The following KRR1 variants were observed in gnomAD, a reference collection of about 807,000 sequenced individuals.
KRR1 encodes KRR1 small subunit processome component homolog.
KRR1 carries 23 observed loss-of-function variants against 50.0 expected under a neutral mutation model. That is an observed-to-expected ratio of 0.46 (90% confidence interval 0.33 to 0.65). The LOEUF is 0.65. Among genes scored for constraint, KRR1 ranks in the 30% least tolerant of loss-of-function variants. The pLI, the probability that KRR1 is intolerant of heterozygous loss-of-function variation, is 0.02. For missense variants in KRR1, 419 were observed against 442.4 expected (o/e 0.95, Z 0.47); for synonymous variants, 133 against 146.3 (o/e 0.91, Z 0.66).
intron 2 of KRR1, among the ~76,000 whole-genome samples, chr12:75,507,948 C>T (rs1233421776): frequency 6.6e-6 from 1 of 152,060 alleles, no homozygotes; most frequent in Admixed American, 6.6e-5. Context: ...TCAGCTCAGA[C>T]TGGGACAGAT....
At chr12:75,509,189 G>T (rs1185574159) in intron 1 of KRR1, among the ~76,000 whole-genome samples, 2 of 152,024 alleles carry the variant, frequency 1.3e-5, no homozygotes, top group South Asian at 4.1e-4. Flanking sequence ...TGAATTTGAA[G>T]AACTCCTTAA....
chr12:75,500,918 C>T (rs1209688080), intron 9 of KRR1: 1 of 152,038 alleles, frequency 6.6e-6, no homozygotes, highest in African/African-American at 2.4e-5. Flanking sequence ...ATACTTATGA[C>T]ATTTCTACCT....
chr12:75,505,423 C>T (rs1317251289), intron 5 of KRR1, among the ~76,000 whole-genome samples, 169 bp from the exon 6 acceptor site: 1 of 151,982 alleles, frequency 6.6e-6, no homozygotes, highest in Non-Finnish European at 1.5e-5. Flanking sequence ...TTCATAAAGG[C>T]AGTCAATCTC....
At chr12:75,502,880 A>G (rs991914310) in intron 7 of KRR1, 7 of 151,946 alleles carry the variant, frequency 4.6e-5, no homozygotes, top group South Asian at 4.1e-4. Flanking sequence ...TTTCCCCCTA[A>G]CTACTATCAA....
At chr12:75,506,283 G>T in intron 5 of KRR1, 33 bp downstream of exon 5, 2 of 1,324,412 alleles carry the variant, frequency 1.5e-6, no homozygotes, top group Non-Finnish European at 2.1e-6. Flanking sequence ...GTTCTCTGCT[G>T]AAAATGAATC....
Position 75,504,060 on chromosome 12 carries a change from C to T in KRR1, c.675G>A (p.Lys225=). 1 of 1,610,566 alleles carries T rather than the reference C, an allele frequency of 6.2e-7. No homozygotes were observed. Residue 225 remains lysine, a synonymous_variant, in exon 7 of 10, where the codon AAG becomes AAA. Coordinates refer to ENST00000229214, the MANE Select transcript of KRR1 (RefSeq NM_007043.7). ...PIYNIKSLMI[K]RELAKDSELR... ...ATTCAGAATCTTTTGCCAACTCTCT[C>T]TTAATCATTAAGCTCTTTAGTCATG...
intron 1 of KRR1, among the ~76,000 whole-genome samples, chr12:75,509,594 T>TTC (rs2046437548): frequency 6.6e-6 from 1 of 151,276 alleles, no homozygotes; most frequent in African/African-American, 2.4e-5. Context: ...TTCTTTTTTT[T>TTC]TTTTTTTTTT....
chr12:75,508,205 A>G (rs1392556743), intron 2 of KRR1, 69 bp downstream of exon 2: 5 of 1,137,512 alleles, frequency 4.4e-6, no homozygotes, highest in Non-Finnish European at 6.1e-6. Context: ...AAGCATTAGC[A>G]TACATACATT....
rs1275184368 is a variant in KRR1 at position 75,491,285 on chromosome 12, T to C, written c.*8524A>G. The stretch of plus-strand genomic sequence containing the variant: ...AGATGGCTCCTATTACTACCCCTGT[T>C]TGGCAAATGAGAACAGCAAGGCACA... On this transcript the variant is annotated 3_prime_UTR_variant, in exon 10 of 10. Transcript: ENST00000229214. 2.0e-5 allele frequency: 3 copies of C among 152,202 alleles called. No individual in the cohort carries two copies. Among genetic ancestry groups the C allele is most frequent in the African/African-American group, 2.4e-5 (1 of 41,442 alleles). The allele number at this position is 152,202 out of a possible 1,614,324, so 9.4% of individuals were successfully genotyped here.
chr12:75,498,656 C>A lies in KRR1; in HGVS notation c.*1153G>T. 6.4e-7 allele frequency: 1 copy of A among 1,567,426 alleles called. No homozygotes were observed. The highest frequency in any genetic ancestry group is 1.1e-5 in the South Asian group (1 of 90,068). On this transcript the variant is annotated 3_prime_UTR_variant, in exon 10 of 10. Transcript: ENST00000229214. ...AATAAAACTCTCAACTGTGTCTACC[C>A]TTTTAATTTTTTTTCTTTCTTCCCC...
chr12:75,499,932 A>C lies in KRR1; in HGVS notation c.1023T>G (p.Ile341Met), dbSNP rs1200492532. The change falls in exon 10 of 10, where the codon ATT (isoleucine) becomes ATG (methionine). Residue 341 changes from isoleucine to methionine, a missense_variant. Physicochemically the swap from Ile to Met is conservative, Grantham distance 10 (BLOSUM62 1). Transcript: ENST00000229214. ...CCTTTTCCTTGATGCTGGCCACATC[A>C]ATTTTAGTTTCAGTAGAAGCTAGAC... is the stretch of plus-strand genomic sequence containing the variant. ...KPKEASTETKIDVASIKEKVK... is the reference protein window; with the variant it reads ...KPKEASTETKMDVASIKEKVK... The C allele has an allele frequency of 7.5e-6, 12 of 1,602,854 alleles. No individual in the cohort carries two copies. Among genetic ancestry groups the C allele is most frequent in the Non-Finnish European group, 1.0e-5 (12 of 1,176,082 alleles).
intron 5 of KRR1, 22 bp downstream of exon 5, chr12:75,506,294 G>C: frequency 7.0e-7 from 1 of 1,432,692 alleles, no homozygotes; most frequent in South Asian, 1.2e-5. Context: ...AAAATGAATC[G>C]AAGATAATAC....
At position 75,493,197 on chromosome 12, in the gene KRR1, G is replaced by A. The variant is rs2046332970; in HGVS notation, c.*6612C>T. ...CAAGTATATTAAGCAGGGGAGCGATGAGACCTTTAAATTTGGACATCAGTC... is the reference window on the plus strand; with the variant it reads ...CAAGTATATTAAGCAGGGGAGCGATAAGACCTTTAAATTTGGACATCAGTC... On this transcript the variant is annotated 3_prime_UTR_variant, in exon 10 of 10. Transcript: ENST00000229214. 1 of 152,210 alleles carries A rather than the reference G, an allele frequency of 6.6e-6. No homozygotes were observed. The highest frequency in any genetic ancestry group is 1.5e-5 in the Non-Finnish European group (1 of 68,042). 9.4% of individuals were successfully genotyped at this position (152,210 alleles called of 1,614,324 possible).
intron 1 of KRR1, 141 bp from the exon 2 acceptor site, chr12:75,508,587 T>C (rs1450161348): frequency 5.8e-6 from 3 of 517,140 alleles, no homozygotes; most frequent in Non-Finnish European, 9.9e-6. Context: ...CATTTCCTTT[T>C]CCCCTGCTTT....
At chr12:75,511,444 G>A in intron 1 of KRR1, 69 bp downstream of exon 1, 2 of 1,360,960 alleles carry the variant, frequency 1.5e-6, no homozygotes, top group South Asian at 1.2e-5. Flanking sequence ...AGTCCACGAG[G>A]AACGAAAGAA....
At position 75,499,057 on chromosome 12, in the gene KRR1, T is replaced by C. The variant is rs968175015; in HGVS notation, c.*752A>G. On this transcript the variant is annotated 3_prime_UTR_variant, in exon 10 of 10. Transcript: ENST00000229214. ...TTTTTTAACCAATAACAATTAGGTGTACTTCTATTTTAAAACATTTCAGAA... is the reference window on the plus strand; with the variant it reads ...TTTTTTAACCAATAACAATTAGGTGCACTTCTATTTTAAAACATTTCAGAA... The C allele has an allele frequency of 1.4e-5, 12 of 865,462 alleles. No homozygotes were observed. The highest frequency in any genetic ancestry group is 1.9e-5 in the Non-Finnish European group (11 of 578,132). 53.6% of individuals were successfully genotyped at this position (865,462 alleles called of 1,614,324 possible).
At chr12:75,505,073 C>T in intron 6 of KRR1, 125 bp downstream of exon 6, 1 of 1,031,440 alleles carries the variant, frequency 9.7e-7, no homozygotes, top group Non-Finnish European at 1.4e-6. Flanking sequence ...CTAATTTACC[C>T]AAAATAGCTC....
chr12:75,508,775 C>CACTA (rs1176308512), intron 1 of KRR1, among the ~76,000 whole-genome samples: 1 of 152,200 alleles, frequency 6.6e-6, no homozygotes, highest in Non-Finnish European at 1.5e-5. Context: ...ACATGTACTG[C>CACTA]ACTACACTAT....
In KRR1 at chr12:75,496,865, TAC is replaced by T. The variant is rs1170834733; in HGVS notation, c.*2942_*2943del. The T allele has an allele frequency of 6.6e-6, 1 of 152,204 alleles. No individual in the cohort carries two copies. The highest frequency in any genetic ancestry group is 1.5e-5 in the Non-Finnish European group (1 of 68,030). 9.4% of individuals were successfully genotyped at this position (152,204 alleles called of 1,614,324 possible). Reference sequence around the variant, plus strand: ...TTAATGTTGAATACTTATCTTTACATACAGTCGTACTTTTGCAAAGTTTTCTG... The same window carrying T: ...TTAATGTTGAATACTTATCTTTACATAGTCGTACTTTTGCAAAGTTTTCTG... On this transcript the variant is annotated 3_prime_UTR_variant, in exon 10 of 10. Coordinates refer to ENST00000229214, the MANE Select transcript of KRR1 (RefSeq NM_007043.7).
Sources: allele counts gnomAD v4.1 joint callset (sites outside exome capture counted in the v4.1 genomes callset), GRCh38; gene constraint gnomAD v4.1.1; transcripts MANE v1.5; gene names NCBI Gene and HGNC (gene_info 2026-07-23, HGNC 2026-07-21).